Variants in MDFIC2 observed in about 807,000 individuals in gnomAD.
MDFIC2 encodes the protein myoD family inhibitor domain-containing protein 2.
intron 2 of MDFIC2, among the ~76,000 whole-genome samples, chr3:70,269,125 A>C (rs771648119): frequency 1.3e-5 from 2 of 152,228 alleles, no homozygotes; most frequent in Non-Finnish European, 2.9e-5. Flanking sequence ...AATAATATTT[A>C]CAAGGCTGAC....
intron 3 of MDFIC2, chr3:70,205,512 C>T (rs1412086428): frequency 2.0e-5 from 3 of 152,006 alleles, no homozygotes; most frequent in African/African-American, 7.2e-5. Flanking sequence ...AATTGAGTAC[C>T]TTCTGTGTAC....
At chr3:70,266,963 A>G (rs1347638811) in intron 2 of MDFIC2, among the ~76,000 whole-genome samples, 5 of 152,188 alleles carry the variant, frequency 3.3e-5, no homozygotes, top group African/African-American at 4.8e-5. Flanking sequence ...AGGAGCCTTC[A>G]CATATGAACA....
chr3:70,199,454 G>C (rs781167760), intron 3 of MDFIC2, among the ~76,000 whole-genome samples: 8 of 152,070 alleles, frequency 5.3e-5, no homozygotes, highest in Non-Finnish European at 7.4e-5. Flanking sequence ...TTTTGCACTT[G>C]AGAATAGAGC....
chr3:70,282,584 T>A (rs997283919), intron 2 of MDFIC2, among the ~76,000 whole-genome samples: 1 of 152,196 alleles, frequency 6.6e-6, no homozygotes, highest in African/African-American at 2.4e-5. Context: ...TCAGGAACTT[T>A]GCACTTGCTA....
At chr3:70,283,187 G>C (rs1287174501) in intron 2 of MDFIC2, among the ~76,000 whole-genome samples, 1 of 152,108 alleles carries the variant, frequency 6.6e-6, no homozygotes, top group Non-Finnish European at 1.5e-5. Context: ...TGTGGCAGGA[G>C]ATGCCAGTGA....
At chr3:70,229,360 C>T (rs1045946813) in intron 2 of MDFIC2, among the ~76,000 whole-genome samples, 9 of 152,098 alleles carry the variant, frequency 5.9e-5, no homozygotes, top group African/African-American at 1.9e-4. Flanking sequence ...CTGGTATATC[C>T]GATCCTTCAA....
At chr3:70,205,188 A>T (rs887226650) in intron 3 of MDFIC2, 1 of 152,004 alleles carries the variant, frequency 6.6e-6, no homozygotes, top group African/African-American at 2.4e-5. Context: ...TGGTCTCTGG[A>T]TTTTCTTGGA....
intron 3 of MDFIC2, among the ~76,000 whole-genome samples, chr3:70,201,685 A>G (rs1056373192): frequency 2.0e-5 from 3 of 152,150 alleles, no homozygotes; most frequent in African/African-American, 7.2e-5. Context: ...TAGGAATCCA[A>G]CCTGCCTTCC....
chr3:70,199,644 T>C (rs1701217156), intron 3 of MDFIC2, among the ~76,000 whole-genome samples: 1 of 152,196 alleles, frequency 6.6e-6, no homozygotes. Context: ...GGTAAAACTG[T>C]TTTGCATATG....
At chr3:70,288,779 C>G (rs1271934146) in intron 2 of MDFIC2, among the ~76,000 whole-genome samples, 1 of 151,802 alleles carries the variant, frequency 6.6e-6, no homozygotes, top group Non-Finnish European at 1.5e-5. Flanking sequence ...ATAGTTAGCT[C>G]TTCTTGTTGA....
intron 2 of MDFIC2, among the ~76,000 whole-genome samples, chr3:70,209,848 A>G (rs988826408): frequency 2.0e-5 from 3 of 152,198 alleles, no homozygotes; most frequent in Non-Finnish European, 4.4e-5. Context: ...TTCCCTTAGC[A>G]GTCTTTGCAA....
At chr3:70,235,810 AAAT>A (rs1701600952) in intron 2 of MDFIC2, among the ~76,000 whole-genome samples, 1 of 152,222 alleles carries the variant, frequency 6.6e-6, no homozygotes, top group South Asian at 2.1e-4. Context: ...TATAGAAAAG[AAAT>A]AATTATAGCA....
At chr3:70,267,002 C>T (rs918702220) in intron 2 of MDFIC2, among the ~76,000 whole-genome samples, 2 of 152,088 alleles carry the variant, frequency 1.3e-5, no homozygotes, top group African/African-American at 2.4e-5. Context: ...CAACATTTTC[C>T]GGTCATAGTT....
chr3:70,222,683 A>C (rs1000670804), intron 2 of MDFIC2, among the ~76,000 whole-genome samples: 3 of 152,300 alleles, frequency 2.0e-5, no homozygotes, highest in South Asian at 2.1e-4. Flanking sequence ...CTAATGGACT[A>C]TTCAAACCTG....
At chr3:70,304,906 C>A (rs1190910627) in intron 2 of MDFIC2, among the ~76,000 whole-genome samples, 2 of 152,064 alleles carry the variant, frequency 1.3e-5, no homozygotes, top group Non-Finnish European at 2.9e-5. Context: ...TTCGTCATTC[C>A]CTTTTCCTTT....
rs1297453385 is a variant in MDFIC2 at position 70,197,203 on chromosome 3, C to T, written c.311-18G>A. 4 of 398,332 alleles carry T rather than the reference C, an allele frequency of 1.0e-5. No homozygotes were observed. The highest frequency in any genetic ancestry group is 1.8e-5 in the Non-Finnish European group (4 of 225,984). 24.7% of individuals were successfully genotyped at this position (398,332 alleles called of 1,614,324 possible). The stretch of plus-strand genomic sequence containing the variant: ...ACACTCCTCTGTTTAAAGAAGAAGA[C>T]CAATTAATAGTGGCACATCTGGGGG... On this transcript the variant is annotated intron_variant, in intron 3 of 3. Coordinates refer to ENST00000567252, the MANE Select transcript of MDFIC2 (RefSeq NM_001364677.1).
At chr3:70,271,217 A>G (rs1701973289) in intron 2 of MDFIC2, among the ~76,000 whole-genome samples, 1 of 152,130 alleles carries the variant, frequency 6.6e-6, no homozygotes, top group African/African-American at 2.4e-5. Context: ...TCTGTTATTT[A>G]TCATTGATCT....
chr3:70,270,804 A>T (rs6549317), intron 2 of MDFIC2, among the ~76,000 whole-genome samples: 150,363 of 152,208 alleles, frequency 0.99, 74,280 homozygotes, highest in Non-Finnish European at 1. Flanking sequence ...CAAAAACACA[A>T]GTTATCACTC....
At chr3:70,235,899 G>A (rs1701603860) in intron 2 of MDFIC2, among the ~76,000 whole-genome samples, 1 of 152,072 alleles carries the variant, frequency 6.6e-6, no homozygotes, top group Non-Finnish European at 1.5e-5. Flanking sequence ...CATATTAGTG[G>A]TTCAATGGAC....
Sources: allele counts gnomAD v4.1 joint callset (sites outside exome capture counted in the v4.1 genomes callset), GRCh38; gene constraint gnomAD v4.1.1; transcripts MANE v1.5; gene names NCBI Gene and HGNC (gene_info 2026-07-23, HGNC 2026-07-21).